TP53I11: variants seen among roughly 807,000 people sequenced by gnomAD.
TP53I11 encodes the protein tumor protein p53-inducible protein 11.
In TP53I11, 9 loss-of-function variants were observed where a neutral mutation model predicts 23.3. That is an observed-to-expected ratio of 0.39 (90% CI 0.23 to 0.67). The LOEUF (loss-of-function observed/expected upper bound fraction) is 0.67, where lower values mean the gene tolerates loss of function less well. Ranked by LOEUF, TP53I11 falls within the 30% of genes least tolerant of loss-of-function variation. TP53I11 has a pLI of 0.48. For synonymous variants in TP53I11, 100 were observed against 106.1 expected (o/e 0.94, Z 0.35); for missense variants, 170 against 255.2 (o/e 0.67, Z 2.27).
At chr11:44,937,531 C>A (rs572154104) in intron 3 of TP53I11, 24 bp downstream of exon 3, 6 of 1,613,074 alleles carry the variant, frequency 3.7e-6, no homozygotes, top group Non-Finnish European at 5.1e-6. Context: ...TTCCCCTCCC[C>A]CAAAAAGTCA....
chr11:44,938,337 T>C lies in TP53I11; in HGVS notation c.-2A>G. On this transcript the variant is annotated 5_prime_UTR_variant, in exon 2 of 7. Coordinates refer to ENST00000525680, the MANE Select transcript of TP53I11 (RefSeq NM_006034.5). Reference sequence around the variant, plus strand: ...AGGCGGGGGCTGCTTGGCCGCCATCTTCTCCTCCAGCCCGGCCTCTGCAGA... The same window carrying C: ...AGGCGGGGGCTGCTTGGCCGCCATCCTCTCCTCCAGCCCGGCCTCTGCAGA... The C allele has an allele frequency of 6.3e-7, 1 of 1,597,224 alleles. No individual in the cohort carries two copies. The highest frequency in any genetic ancestry group is 8.5e-7 in the Non-Finnish European group (1 of 1,172,378).
At position 44,942,181 on chromosome 11, in the gene TP53I11, C is replaced by T. The variant is rs545738683; in HGVS notation, c.-31-3815G>A. On this transcript the variant is annotated intron_variant, in intron 1 of 6. Coordinates refer to ENST00000525680, the MANE Select transcript of TP53I11 (RefSeq NM_006034.5). ...CACCATACACAATGCACACACAAAA[C>T]ACACACACACCACACATACCCACCA... Among the ~76,000 whole-genome samples, 250 of 120,220 alleles carry T rather than the reference C, an allele frequency of 2.1e-3. 2 individuals are homozygous for T. Among genetic ancestry groups the T allele is most frequent in the African/African-American group, 7.6e-3 (244 of 32,104 alleles). The allele number at this position is 120,220 out of a possible 152,430, so 78.9% of individuals were successfully genotyped here. A position where few individuals can be genotyped will look rare whatever the true frequency, so the allele number is the denominator to read the frequency against.
chr11:44,945,313 C>G (rs1157077498), intron 1 of TP53I11, among the ~76,000 whole-genome samples: 1 of 152,184 alleles, frequency 6.6e-6, no homozygotes, highest in Non-Finnish European at 1.5e-5. Flanking sequence ...CCACCACAAC[C>G]CTATGAGAAT....
At chr11:44,938,668 G>A (rs1861438008) in intron 1 of TP53I11, among the ~76,000 whole-genome samples, 1 of 152,224 alleles carries the variant, frequency 6.6e-6, no homozygotes, top group Non-Finnish European at 1.5e-5. Flanking sequence ...GGGCATTTGG[G>A]TCTGGATGGC....
chr11:44,947,679 G>C (rs1862524148), intron 1 of TP53I11, among the ~76,000 whole-genome samples: 2 of 152,166 alleles, frequency 1.3e-5, no homozygotes, highest in Non-Finnish European at 2.9e-5. Flanking sequence ...TGGCTTAGTG[G>C]TTAAAGGACT....
chr11:44,934,940 C>G lies in TP53I11; in HGVS notation c.514G>C (p.Val172Leu). 1.2e-6 allele frequency: 2 copies of G among 1,614,146 alleles called. No individual in the cohort carries two copies. The highest frequency in any genetic ancestry group is 8.5e-7 in the Non-Finnish European group (1 of 1,180,008). ...TAATAGTAGTAAATGCTGATGACGA[C>G]AAAAAGGAGGCGGCTGACCAGGAGC... is the stretch of plus-strand genomic sequence containing the variant. ...LLLLVSRLLF[V>L]VISIYYYYQV... is the part of the protein sequence containing the mutation. Residue 172 changes from valine (V) to leucine (L), a missense_variant, in exon 7 of 7, where the codon GTC (valine) becomes CTC (leucine). By Grantham distance (32) the Val-to-Leu change is conservative. Coordinates refer to ENST00000525680, the MANE Select transcript of TP53I11 (RefSeq NM_006034.5).
chr11:44,940,500 A>AT (rs1174090310), intron 1 of TP53I11: 1 of 152,244 alleles, frequency 6.6e-6, no homozygotes, highest in Non-Finnish European at 1.5e-5. Flanking sequence ...AAGTGGAATG[A>AT]TAAAGCGTAG....
intron 1 of TP53I11, chr11:44,940,841 T>C (rs1861679568): frequency 6.6e-6 from 1 of 152,250 alleles, no homozygotes; most frequent in Non-Finnish European, 1.5e-5. Context: ...AGAGCAGCCA[T>C]GCCACTGCGT....
At chr11:44,946,027 T>C (rs1862360811) in intron 1 of TP53I11, among the ~76,000 whole-genome samples, 1 of 152,216 alleles carries the variant, frequency 6.6e-6, no homozygotes, top group Admixed American at 6.5e-5. Flanking sequence ...TGTTCAGATC[T>C]TGGCTCTGCA....
intron 1 of TP53I11, 33 bp downstream of exon 1, chr11:44,950,644 G>A (rs962364657): frequency 5.3e-5 from 8 of 152,148 alleles, no homozygotes; most frequent in Non-Finnish European, 1.0e-4. Flanking sequence ...GAAAGTCCGC[G>A]GCTCGGAAGC....
Position 44,935,675 on chromosome 11 carries a change from ATGAAAAGGGGGCTGGGGG to A in TP53I11, c.335-31_335-14del. The A allele has an allele frequency of 1.6e-6, 1 of 632,194 alleles. No individual in the cohort carries two copies. Among genetic ancestry groups the A allele is most frequent in the Non-Finnish European group, 2.9e-6 (1 of 348,352 alleles). The allele number at this position is 632,194 out of a possible 1,614,324, so 39.2% of individuals were successfully genotyped here. On this transcript the variant is annotated splice_polypyrimidine_tract_variant and intron_variant, in intron 5 of 6. Coordinates refer to ENST00000525680, the MANE Select transcript of TP53I11 (RefSeq NM_006034.5). ...ATCAGGGAGATGCCTGGGGCGGGGG[ATGAAAAGGGGGCTGGGGG>A]TGGGACAGCTGACTCCCTCCCAGCA...
Position 44,940,249 on chromosome 11 carries a change from C to T in TP53I11, c.-31-1883G>A, listed in dbSNP as rs945725050. 3.3e-5 allele frequency among the ~76,000 whole-genome samples: 5 copies of T among 152,252 alleles called. No homozygotes were observed. In the South Asian group the frequency reaches 1.0e-3, roughly 31 times the overall value. ...CCCACGCCCTTCCTCTTCCAGCCTC[C>T]CCATGGCCTTTTATCTTTTAATACA... On this transcript the variant is annotated intron_variant, in intron 1 of 6. Coordinates refer to ENST00000525680, the MANE Select transcript of TP53I11 (RefSeq NM_006034.5).
chr11:44,949,122 G>T (rs1053474761), intron 1 of TP53I11, among the ~76,000 whole-genome samples: 7 of 152,208 alleles, frequency 4.6e-5, no homozygotes, highest in Non-Finnish European at 1.0e-4. Flanking sequence ...TTTTACAGAT[G>T]GGACAACAGA....
At position 44,936,788 on chromosome 11, in the gene TP53I11, C is replaced by T. The variant is rs565583879; in HGVS notation, c.334+15G>A. On this transcript the variant is annotated intron_variant, in intron 5 of 6. Coordinates refer to ENST00000525680, the MANE Select transcript of TP53I11 (RefSeq NM_006034.5). This position sits in a 1 kb window ranked among gnomAD's most constrained non-coding sequence, Gnocchi z 4.4. ...GCCCGTCGCCTCCCCCAGGGCCCGC[C>T]CCAGCAGTACTCACTGAGGAGGGCA... 30 of 1,559,352 alleles carry T rather than the reference C, an allele frequency of 1.9e-5. No homozygotes were observed. The highest frequency in any genetic ancestry group is 2.4e-5 in the Non-Finnish European group (28 of 1,155,988).
intron 1 of TP53I11, among the ~76,000 whole-genome samples, chr11:44,942,857 G>A (rs1862025218): frequency 6.6e-6 from 1 of 152,128 alleles, no homozygotes; most frequent in Non-Finnish European, 1.5e-5. Flanking sequence ...GCAATGATCA[G>A]ATCCACCCAG....
At chr11:44,949,277 C>T (rs1441605897) in intron 1 of TP53I11, among the ~76,000 whole-genome samples, 1 of 152,184 alleles carries the variant, frequency 6.6e-6, no homozygotes, top group African/African-American at 2.4e-5. Context: ...CTGGGATCTG[C>T]GGGCCGCAGA....
At chr11:44,942,044 CACACCACACA>C (rs1861841189) in intron 1 of TP53I11, among the ~76,000 whole-genome samples, 2 of 8,036 alleles carry the variant, frequency 2.5e-4, no homozygotes, top group African/African-American at 5.4e-4. Flanking sequence ...CACACACATA[CACACCACACA>C]CACCACACAC....
At chr11:44,946,243 T>A (rs1020624209) in intron 1 of TP53I11, among the ~76,000 whole-genome samples, 1 of 152,192 alleles carries the variant, frequency 6.6e-6, no homozygotes, top group Admixed American at 6.5e-5. Flanking sequence ...GCAGGTTTCA[T>A]CGGAGGCCCA....
At position 44,934,773 on chromosome 11, in the gene TP53I11, A is replaced by G; in HGVS notation, c.*111T>C. 5 of 1,454,470 alleles carry G rather than the reference A, an allele frequency of 3.4e-6. No individual in the cohort carries two copies. In the African/African-American group the frequency reaches 5.6e-5, roughly 16 times the overall value. The allele number at this position is 1,454,470 out of a possible 1,614,324, so 90.1% of individuals were successfully genotyped here. On this transcript the variant is annotated 3_prime_UTR_variant, in exon 7 of 7. Coordinates refer to ENST00000525680, the MANE Select transcript of TP53I11 (RefSeq NM_006034.5). ...CCCCCACCCCCTGCCTCCCTGGGGC[A>G]GGACTGGGGCAGGGCAGGGGACCCT...
Sources: gnomAD v4.1 joint callset for allele counts (sites outside exome capture counted in the v4.1 genomes callset) on GRCh38, gnomAD v4.1.1 for gene constraint, Gnocchi (gnomAD v3.1) non-coding constraint, MANE v1.5 for transcripts, NCBI Gene and HGNC (gene_info 2026-07-23, HGNC 2026-07-21) for gene names.